HSPB7: variants seen among roughly 807,000 people sequenced by gnomAD.
HSPB7 encodes heat shock protein family B (small) member 7, also known as heat shock protein beta-7.
A neutral mutation model predicts 11.0 loss-of-function variants in HSPB7; 9 were observed. That is an observed-to-expected ratio of 0.82 (90% CI 0.49 to 1.43). The LOEUF (loss-of-function observed/expected upper bound fraction) is 1.43, where lower values mean the gene tolerates loss of function less well. HSPB7 is among the 40% of genes most tolerant of loss of function. HSPB7 has a pLI of 0.00. For synonymous variants in HSPB7, 102 were observed against 101.6 expected (o/e 1.00, Z -0.02); for missense variants, 246 against 243.9 (o/e 1.01, Z -0.06).
chr1:16,016,473 A>G (rs1310556074), intron 2 of HSPB7, among the ~76,000 whole-genome samples: 1 of 152,192 alleles, frequency 6.6e-6, no homozygotes, highest in Non-Finnish European at 1.5e-5. Flanking sequence ...GGACTCAGAC[A>G]CGCTAGAGAC....
upstream of HSPB7, chr1:16,019,492 G>A (rs759234616): frequency 1.1e-4 from 161 of 1,525,984 alleles, 1 homozygote; most frequent in South Asian, 9.5e-4. Context: ...TCTTGAAGAC[G>A]GGCAGTTTCT....
chr1:16,014,618 G>A lies in HSPB7; in HGVS notation c.*962C>T, dbSNP rs1001917449. 2 of 152,212 alleles carry A rather than the reference G, an allele frequency of 1.3e-5. No homozygotes were observed. Among genetic ancestry groups the A allele is most frequent in the Non-Finnish European group, 2.9e-5 (2 of 68,034 alleles). The allele number at this position is 152,212 out of a possible 1,614,324, so 9.4% of individuals were successfully genotyped here. A position where few individuals can be genotyped will look rare whatever the true frequency, so the allele number is the denominator to read the frequency against. On this transcript the variant is annotated 3_prime_UTR_variant, in exon 3 of 3. Transcript: ENST00000311890. ...TAATGCTGAGTATTTGAAGGACAAC[G>A]ATAGGGGTGTGTGTGTTACACACAC...
chr1:16,018,874 G>C (rs938789112), upstream of HSPB7: 4 of 1,327,950 alleles, frequency 3.0e-6, no homozygotes, highest in East Asian at 2.9e-5. Flanking sequence ...TGTCCAGCAC[G>C]GCCCCGTTTG....
At chr1:16,016,492 CCT>C (rs2021740038) in intron 2 of HSPB7, among the ~76,000 whole-genome samples, 1 of 152,218 alleles carries the variant, frequency 6.6e-6, no homozygotes, top group South Asian at 2.1e-4. Flanking sequence ...ACCCAGTGAC[CCT>C]GAGACCTGTG....
chr1:16,017,319 C>A (rs906904469), intron 1 of HSPB7, 112 bp from the exon 2 acceptor site: 20 of 1,423,730 alleles, frequency 1.4e-5, no homozygotes, highest in Non-Finnish European at 1.7e-5. Context: ...CCTACCTCCC[C>A]CCTAGCTGTT....
chr1:16,017,009 G>T, intron 2 of HSPB7, 65 bp downstream of exon 2: 1 of 1,519,310 alleles, frequency 6.6e-7, no homozygotes, highest in Non-Finnish European at 9.0e-7. Flanking sequence ...TGGTAAGGGG[G>T]AGTAGGAGAC....
In HSPB7 at chr1:16,017,082, C is replaced by T. The variant is rs1412332304; in HGVS notation, c.325G>A (p.Ala109Thr). The change falls in exon 2 of 3, where the codon GCT (alanine) becomes ACT (threonine). Residue 109 changes from alanine to threonine, a missense_variant. Transcript: ENST00000311890. ...GGGGGTGGGGGGCTCACCTTCTCAG[C>T]CCGCACCTCGATGTGGTTGTTGGAG... ...TTSNNHIEVRAEKLAADGTVM... is the reference protein window; with the variant it reads ...TTSNNHIEVRTEKLAADGTVM... 6.2e-6 allele frequency: 10 copies of T among 1,609,050 alleles called. No homozygotes were observed. Among genetic ancestry groups the T allele is most frequent in the African/African-American group, 4.0e-5 (3 of 74,712 alleles).
At chr1:16,019,346 T>C (rs2021975530), upstream of HSPB7, 1 of 1,440,738 alleles carries the variant, frequency 6.9e-7, no homozygotes, top group East Asian at 2.5e-5. Flanking sequence ...TGACTGTCTT[T>C]GTCCTCCCAC....
intron 1 of HSPB7, 27 bp downstream of exon 1, chr1:16,017,738 C>G (rs753171121): frequency 1.3e-6 from 2 of 1,537,846 alleles, no homozygotes; most frequent in South Asian, 1.2e-5. Flanking sequence ...GTGCACCTCC[C>G]CTCCCCTCAG....
Position 16,014,709 on chromosome 1 carries a change from TG to T in HSPB7, c.*870del, listed in dbSNP as rs372135435. ...AGAGCTGACTGCCCGGAGGGGAAGG[TG>T]GCAAGAAGCTGGGGTCCAACCTCGA... is the stretch of plus-strand genomic sequence containing the variant. On this transcript the variant is annotated 3_prime_UTR_variant, in exon 3 of 3. Transcript: ENST00000311890. The T allele has an allele frequency of 1.4e-4, 21 of 152,136 alleles. No individual in the cohort carries two copies. Among genetic ancestry groups the T allele is most frequent in the African/African-American group, 4.8e-4 (20 of 41,496 alleles). The allele number at this position is 152,136 out of a possible 1,614,324, so 9.4% of individuals were successfully genotyped here.
rs778623045 is a variant in HSPB7, at chr1:16,015,733, G to C, written c.360C>G (p.Asn120Lys). Reference sequence around the variant, plus strand: ...GCAGCTGGCACTTGTGAGCGAAGGTGTTCATGACAGTGCCGTCAGCCGCCA... The same window carrying C: ...GCAGCTGGCACTTGTGAGCGAAGGTCTTCATGACAGTGCCGTCAGCCGCCA... The part of the protein sequence containing the change: ...EKLAADGTVM[N>K]TFAHKCQLPE... Residue 120 changes from asparagine to lysine, a missense_variant, in exon 3 of 3, where the codon AAC becomes AAG. Asn to Lys is a moderately conservative substitution (Grantham distance 94). Transcript: ENST00000311890. The surrounding 1 kb of genome is among the most constrained non-coding windows in gnomAD (Gnocchi z 4.9). The C allele has an allele frequency of 1.1e-5, 18 of 1,598,798 alleles. No individual in the cohort carries two copies. The highest frequency in any genetic ancestry group is 1.5e-5 in the Non-Finnish European group (17 of 1,169,962).
intron 2 of HSPB7, 64 bp downstream of exon 2, chr1:16,017,010 A>G: frequency 2.0e-6 from 3 of 1,518,336 alleles, no homozygotes; most frequent in South Asian, 2.4e-5. Context: ...GGTAAGGGGG[A>G]GTAGGAGACA....
At chr1:16,017,287 G>A in intron 1 of HSPB7, 80 bp from the exon 2 acceptor site, 1 of 1,556,768 alleles carries the variant, frequency 6.4e-7, no homozygotes, top group Non-Finnish European at 8.7e-7. Flanking sequence ...TTCTCTTGGG[G>A]CAAGGGGCGG....
chr1:16,019,173 C>A, upstream of HSPB7: 1 of 1,550,514 alleles, frequency 6.4e-7, no homozygotes, highest in Non-Finnish European at 8.7e-7. Context: ...TGAGAGGCGG[C>A]CAGGCCCTCT....
chr1:16,018,713 G>A (rs945420), upstream of HSPB7: 587,319 of 1,031,098 alleles, frequency 0.57, 168,743 homozygotes, highest in East Asian at 0.76. Context: ...TTGTGTTCCC[G>A]GCAACTGTCT....
At chr1:16,018,906 T>G (rs1018117773), upstream of HSPB7, 2 of 1,228,634 alleles carry the variant, frequency 1.6e-6, no homozygotes, top group South Asian at 1.8e-5. Flanking sequence ...GCTGGGAGGG[T>G]GGAGGGGCTC....
At chr1:16,017,261 CG>C (rs776361406) in intron 1 of HSPB7, 54 bp from the exon 2 acceptor site, 79 of 1,588,778 alleles carry the variant, frequency 5.0e-5, no homozygotes, top group Non-Finnish European at 6.6e-5. Flanking sequence ...CATGCAGATC[CG>C]GGGGTTCTGG....
rs756233228 is a variant in HSPB7, at chr1:16,017,877, C to G, written c.87G>C (p.Ser29=). ...SSSSSSSTSS[S]ASRALPAQDP... is the part of the protein sequence containing the mutation. ...CCTGGGCCGGGAGAGCACGGGAGGC[C>G]GAGGAGGAGGTGGAAGAGGAGGAGG... Residue 29 remains serine (S), a synonymous_variant, in exon 1 of 3, where the codon TCG becomes TCC. Transcript: ENST00000311890. The G allele has an allele frequency of 4.3e-6, 7 of 1,613,698 alleles. No individual in the cohort carries two copies. In the Admixed American group the frequency reaches 6.7e-5, roughly 15 times the overall value.
At position 16,015,559 on chromosome 1, in the gene HSPB7, G is replaced by C; in HGVS notation, c.*21C>G. On this transcript the variant is annotated 3_prime_UTR_variant, in exon 3 of 3. Coordinates refer to ENST00000311890, the MANE Select transcript of HSPB7 (RefSeq NM_014424.5). This position sits in a 1 kb window ranked among gnomAD's most constrained non-coding sequence, Gnocchi z 4.9. ...TGGCAGGCGTGGGGCGGGGGGACAG[G>C]GAAAGGGAAGGGAGAGGCACTCAGA... The C allele has an allele frequency of 6.2e-7, 1 of 1,612,630 alleles. No individual in the cohort carries two copies. The highest frequency in any genetic ancestry group is 1.3e-5 in the African/African-American group (1 of 75,016).
Sources: gnomAD v4.1 joint callset for allele counts (sites outside exome capture counted in the v4.1 genomes callset) on GRCh38, gnomAD v4.1.1 for gene constraint, Gnocchi (gnomAD v3.1) non-coding constraint, MANE v1.5 for transcripts, NCBI Gene and HGNC (gene_info 2026-07-23, HGNC 2026-07-21) for gene names.